The following MLLT3 variants were observed in gnomAD, a reference collection of about 807,000 sequenced individuals.
MLLT3 encodes the protein protein AF-9.
Under a neutral mutation model 53.2 loss-of-function variants are expected in MLLT3, and 4 were observed. That is an observed-to-expected ratio of 0.08 (90% CI 0.04 to 0.17). MLLT3 has a LOEUF of 0.17. Among genes scored for constraint, MLLT3 ranks in the 10% least tolerant of loss-of-function variants. The probability of loss-of-function intolerance (pLI) is 1.00; values close to 1 mark genes in which losing one functional copy is unlikely to be tolerated. For missense variants in MLLT3, 569 were observed against 684.0 expected, an observed-to-expected ratio of 0.83 and a Z score of 1.87; for synonymous variants, 283 against 230.6, an observed-to-expected ratio of 1.23 and a Z score of -2.06.
intron 2 of MLLT3, among the ~76,000 whole-genome samples, chr9:20,503,374 G>A (rs1825297344): frequency 6.6e-6 from 1 of 152,024 alleles, no homozygotes; most frequent in Non-Finnish European, 1.5e-5. Context: ...GGAATAGAGG[G>A]CCCAGAAATA....
chr9:20,510,406 T>C (rs1478701613), intron 2 of MLLT3, among the ~76,000 whole-genome samples: 1 of 150,648 alleles, frequency 6.6e-6, no homozygotes, highest in Admixed American at 6.6e-5. Flanking sequence ...AGGTCAGGAG[T>C]TCAAGAGCAG....
At chr9:20,426,420 A>C (rs554639346) in intron 4 of MLLT3, among the ~76,000 whole-genome samples, 1 of 152,290 alleles carries the variant, frequency 6.6e-6, no homozygotes, top group East Asian at 1.9e-4. Flanking sequence ...GAGAATAGCC[A>C]ATCTTCAGAT....
chr9:20,354,844 T>G lies in MLLT3; in HGVS notation c.1467A>C (p.Lys489Asn). Residue 489 changes from lysine to asparagine, a missense_variant, in exon 9 of 11, where the codon AAA becomes AAC. Lys to Asn is a moderately conservative substitution (Grantham distance 94). Transcript: ENST00000380338. ...LEVKSPIKQS[K>N]SDKQIKNGEC... ...CACCATTCTTTATTTGCTTATCTGA[T>G]TTGCTTTGCTTTATTGGACTTTTCA... 1 of 1,613,030 alleles carries G rather than the reference T, an allele frequency of 6.2e-7. No homozygotes were observed. The highest frequency in any genetic ancestry group is 1.1e-5 in the South Asian group (1 of 91,046).
chr9:20,472,258 T>G (rs1824414105), intron 2 of MLLT3, among the ~76,000 whole-genome samples: 1 of 152,084 alleles, frequency 6.6e-6, no homozygotes, highest in South Asian at 2.1e-4. Flanking sequence ...TGCAAATTTT[T>G]CAAGTTACCA....
chr9:20,539,247 C>A (rs955040346), intron 2 of MLLT3, among the ~76,000 whole-genome samples: 1 of 152,234 alleles, frequency 6.6e-6, no homozygotes, highest in Admixed American at 6.5e-5. Context: ...TGGAGTCAAT[C>A]GTCTCAAACC....
chr9:20,462,894 G>C (rs1272928596), intron 2 of MLLT3, among the ~76,000 whole-genome samples: 1 of 151,960 alleles, frequency 6.6e-6, no homozygotes, highest in Non-Finnish European at 1.5e-5. Context: ...ACAAGGCCTG[G>C]GCAGCAAGCA....
At chr9:20,582,548 C>A (rs761361391) in intron 2 of MLLT3, among the ~76,000 whole-genome samples, 4 of 152,132 alleles carry the variant, frequency 2.6e-5, no homozygotes, top group Admixed American at 6.5e-5. Context: ...TGTATCAGTC[C>A]TGTTTCACCC....
intron 2 of MLLT3, among the ~76,000 whole-genome samples, chr9:20,479,332 A>G (rs1374736508): frequency 6.6e-6 from 1 of 151,982 alleles, no homozygotes; most frequent in African/African-American, 2.4e-5. Flanking sequence ...CACTAGAACT[A>G]TTTCTCTAAT....
chr9:20,493,083 T>C (rs1424308636), intron 2 of MLLT3, among the ~76,000 whole-genome samples: 1 of 151,972 alleles, frequency 6.6e-6, no homozygotes, highest in Admixed American at 6.6e-5. Context: ...ATTTGCCTAA[T>C]GGATCATGCC....
At chr9:20,450,831 T>G (rs1488489919) in intron 3 of MLLT3, among the ~76,000 whole-genome samples, 3 of 152,214 alleles carry the variant, frequency 2.0e-5, no homozygotes, top group Non-Finnish European at 2.9e-5. Context: ...AGATGTAACT[T>G]TAGAATTAAT....
At chr9:20,346,646 G>A in intron 10 of MLLT3, 72 bp from the exon 11 acceptor site, 2 of 1,436,676 alleles carry the variant, frequency 1.4e-6, no homozygotes, top group Non-Finnish European at 1.9e-6. Context: ...GAGTAATGGA[G>A]GGGCGATCAA....
At chr9:20,352,093 T>C (rs1032623627) in intron 10 of MLLT3, among the ~76,000 whole-genome samples, 7 of 152,216 alleles carry the variant, frequency 4.6e-5, no homozygotes, top group African/African-American at 1.7e-4. Flanking sequence ...GCAATTCTTA[T>C]AAGGTCAAAA....
At chr9:20,485,859 T>C (rs1241642131) in intron 2 of MLLT3, among the ~76,000 whole-genome samples, 1 of 152,126 alleles carries the variant, frequency 6.6e-6, no homozygotes, top group Non-Finnish European at 1.5e-5. Context: ...TAAGGTGAAA[T>C]TTTTACACTT....
chr9:20,514,334 C>G (rs1027050969), intron 2 of MLLT3, among the ~76,000 whole-genome samples: 1 of 151,986 alleles, frequency 6.6e-6, no homozygotes, highest in Admixed American at 6.6e-5. Flanking sequence ...TGGAGAGGTC[C>G]TGGGTTGGGT....
Position 20,443,161 on chromosome 9 carries a change from GAACA to G in MLLT3, c.420+4958_420+4961del, listed in dbSNP as rs1450402159. Among the ~76,000 whole-genome samples the G allele has an allele frequency of 2.6e-5, 4 of 151,736 alleles. No individual in the cohort carries two copies. In the South Asian group the frequency reaches 6.2e-4, roughly 24 times the overall value. On this transcript the variant is annotated intron_variant, in intron 4 of 10. Transcript: ENST00000380338. ...GGGAAGGAAGAAAGAAAGGCAGCAG[GAACA>G]AACAAACACCCAACACCCTACCACC... is the stretch of plus-strand genomic sequence containing the variant.
chr9:20,563,159 G>A (rs1819259720), intron 2 of MLLT3, among the ~76,000 whole-genome samples: 2 of 152,050 alleles, frequency 1.3e-5, no homozygotes, highest in South Asian at 4.1e-4. Flanking sequence ...TATCCCTGAA[G>A]CTCTGATCAA....
chr9:20,589,257 A>G (rs1317572381), intron 2 of MLLT3, among the ~76,000 whole-genome samples: 1 of 152,080 alleles, frequency 6.6e-6, no homozygotes, highest in Non-Finnish European at 1.5e-5. Flanking sequence ...ATGCAGCCAT[A>G]AAAAGGATGA....
chr9:20,593,035 G>C (rs760313952), intron 2 of MLLT3, among the ~76,000 whole-genome samples: 3 of 152,124 alleles, frequency 2.0e-5, no homozygotes, highest in Non-Finnish European at 2.9e-5. Flanking sequence ...TGGCATTTTT[G>C]ATGACCATGC....
intron 3 of MLLT3, among the ~76,000 whole-genome samples, chr9:20,455,138 C>T (rs185960280): frequency 4.9e-4 from 74 of 152,286 alleles, no homozygotes; most frequent in East Asian, 1.9e-3. Flanking sequence ...AAGTATATCA[C>T]GTCAACAGAC....
Sources: allele counts gnomAD v4.1 joint callset (sites outside exome capture counted in the v4.1 genomes callset), GRCh38; gene constraint gnomAD v4.1.1; transcripts MANE v1.5; gene names NCBI Gene and HGNC (gene_info 2026-07-23, HGNC 2026-07-21).